Variants in NAALADL2 observed in about 807,000 individuals in gnomAD.
NAALADL2 encodes the protein inactive N-acetylated-alpha-linked acidic dipeptidase-like protein 2.
NAALADL2 carries 76 observed loss-of-function variants against 87.2 expected under a neutral mutation model. The ratio of observed to expected loss-of-function variants is 0.87; its 90% CI spans 0.72 to 1.05. NAALADL2 has a LOEUF of 1.05. Among genes scored for constraint, NAALADL2 ranks in the 50% least tolerant of loss-of-function variants. NAALADL2 has a pLI of 0.00. For synonymous variants in NAALADL2, 354 were observed against 331.0 expected (o/e 1.07, Z -0.75); for missense variants, 1,089 against 945.8 (o/e 1.15, Z -1.99).
chr3:175,347,167 C>A (rs1581519646), intron 5 of NAALADL2, among the ~76,000 whole-genome samples: 1 of 152,284 alleles, frequency 6.6e-6, no homozygotes, highest in Middle Eastern at 3.4e-3. Flanking sequence ...TTAAGCTACC[C>A]TCAGCATTAA....
At chr3:175,708,463 T>C (rs186644779) in intron 11 of NAALADL2, among the ~76,000 whole-genome samples, 9 of 152,138 alleles carry the variant, frequency 5.9e-5, no homozygotes, top group African/African-American at 2.2e-4. Flanking sequence ...AAATATTAAG[T>C]TATTTGATTC....
intron 2 of NAALADL2, among the ~76,000 whole-genome samples, chr3:174,595,909 G>T (rs750698637): frequency 1.7e-4 from 26 of 152,146 alleles, no homozygotes; most frequent in Non-Finnish European, 3.1e-4. Context: ...CTACTTGGGA[G>T]GCTGAGGCAG....
At chr3:174,538,091 G>A (rs1220680125) in intron 1 of NAALADL2, among the ~76,000 whole-genome samples, 1 of 152,102 alleles carries the variant, frequency 6.6e-6, no homozygotes, top group Non-Finnish European at 1.5e-5. Context: ...CCCCAGCAGA[G>A]GCTCCCTCAG....
At chr3:174,662,954 TCAAA>T (rs1725641756) in intron 2 of NAALADL2, among the ~76,000 whole-genome samples, 1 of 152,324 alleles carries the variant, frequency 6.6e-6, no homozygotes, top group Non-Finnish European at 1.5e-5. Context: ...CACTCATCTA[TCAAA>T]CAAAGCAGGG....
intron 10 of NAALADL2, among the ~76,000 whole-genome samples, chr3:175,612,666 A>G (rs545355764): frequency 6.6e-6 from 1 of 152,198 alleles, no homozygotes; most frequent in Non-Finnish European, 1.5e-5. Flanking sequence ...TCAAGAGGCT[A>G]ACAGGCTCTG....
chr3:175,357,129 A>G (rs535663366), intron 5 of NAALADL2, among the ~76,000 whole-genome samples: 1 of 152,030 alleles, frequency 6.6e-6, no homozygotes, highest in Non-Finnish European at 1.5e-5. Flanking sequence ...TCCTCTCCTC[A>G]CTATTTTTTA....
At chr3:175,734,384 C>T (rs1012082438) in intron 11 of NAALADL2, among the ~76,000 whole-genome samples, 2 of 152,044 alleles carry the variant, frequency 1.3e-5, no homozygotes, top group East Asian at 3.9e-4. Context: ...GAAACCCCAT[C>T]TCTACTAAAA....
In NAALADL2 at chr3:174,796,921, G is replaced by A. The variant is rs1325987691; in HGVS notation, c.-9+59175G>A. Among the ~76,000 whole-genome samples, 4 of 151,872 alleles carry A rather than the reference G, an allele frequency of 2.6e-5. No individual in the cohort carries two copies. The East Asian group carries it at 7.7e-4, about 29-fold the overall frequency. On this transcript the variant is annotated intron_variant, in intron 3 of 3. Coordinates refer to the NAALADL2 transcript ENST00000434257. ...ATTTTGCAGGTTGTCTTTTCACTCT[G>A]TTGATTATTTGTTTTGCTGTGCAGA... is the stretch of plus-strand genomic sequence containing the variant.
chr3:175,102,097 T>C (rs34329450), intron 2 of NAALADL2, among the ~76,000 whole-genome samples: 120 of 152,308 alleles, frequency 7.9e-4, no homozygotes, highest in African/African-American at 2.7e-3. Flanking sequence ...CCAATAAATA[T>C]AGATTTAAAT....
chr3:174,538,015 G>T (rs1721885897), intron 1 of NAALADL2, among the ~76,000 whole-genome samples: 1 of 152,078 alleles, frequency 6.6e-6, no homozygotes, highest in African/African-American at 2.4e-5. Context: ...TTTACACAGA[G>T]GCTCTTAGTA....
chr3:174,733,526 GCCCCA>G (rs1266900615), intron 2 of NAALADL2, among the ~76,000 whole-genome samples: 1 of 152,200 alleles, frequency 6.6e-6, no homozygotes, highest in Non-Finnish European at 1.5e-5. Flanking sequence ...TAGGAAAAGA[GCCCCA>G]TGTGGCTTAG....
At chr3:175,542,579 C>T (rs528015771) in intron 9 of NAALADL2, among the ~76,000 whole-genome samples, 1 of 152,226 alleles carries the variant, frequency 6.6e-6, no homozygotes, top group South Asian at 2.1e-4. Flanking sequence ...AGGCTGGTCT[C>T]AAACTCCTGA....
chr3:175,329,612 A>G (rs921757783), intron 5 of NAALADL2, among the ~76,000 whole-genome samples: 1 of 152,166 alleles, frequency 6.6e-6, no homozygotes, highest in Non-Finnish European at 1.5e-5. Flanking sequence ...CACAGTATGA[A>G]TATCTGTCAC....
chr3:174,763,324 C>T (rs1471551484), intron 3 of NAALADL2, among the ~76,000 whole-genome samples: 1 of 151,956 alleles, frequency 6.6e-6, no homozygotes, highest in Non-Finnish European at 1.5e-5. Context: ...CGCAGTGGCT[C>T]ATGCCTGTAA....
chr3:175,645,931 A>G (rs796246965), intron 11 of NAALADL2, among the ~76,000 whole-genome samples: 9 of 152,244 alleles, frequency 5.9e-5, no homozygotes, highest in African/African-American at 2.2e-4. Flanking sequence ...CAGTAGAGCT[A>G]CTCATCTAAG....
intron 5 of NAALADL2, among the ~76,000 whole-genome samples, chr3:175,401,949 A>G (rs896870562): frequency 1.2e-4 from 19 of 152,052 alleles, no homozygotes; most frequent in African/African-American, 3.6e-4. Flanking sequence ...AGGAGATGTT[A>G]AAGCCTAGTT....
In NAALADL2 at chr3:175,737,311, A is replaced by G. The variant is rs763875157; in HGVS notation, c.1902A>G (p.Ser634=). ...FNLHETITKL[S]GEVILQIANE... ...TTTTTCCTTTTTTCTTTCAGCTCTC[A>G]GGAGAAGTGATTTTGCAAATTGCCA... Residue 634 remains serine (S), a synonymous_variant, in exon 12 of 14, where the codon TCA becomes TCG. Coordinates refer to ENST00000454872, the MANE Select transcript of NAALADL2 (RefSeq NM_207015.3). The G allele has an allele frequency of 7.5e-6, 12 of 1,596,242 alleles. No individual in the cohort carries two copies. The highest frequency in any genetic ancestry group is 6.7e-5 in the Admixed American group (4 of 59,928).
At chr3:175,018,808 C>T (rs1751189590) in intron 1 of NAALADL2, among the ~76,000 whole-genome samples, 1 of 152,008 alleles carries the variant, frequency 6.6e-6, no homozygotes, top group East Asian at 1.9e-4. Flanking sequence ...TGCCTCCATA[C>T]CAAATAACGT....
At position 175,337,518 on chromosome 3, in the gene NAALADL2, G is replaced by T. The variant is rs558563193; in HGVS notation, c.1090+13193G>T. On this transcript the variant is annotated intron_variant, in intron 5 of 13. Transcript: ENST00000454872. ...AGAGATTAGGATACAGACAGACTTG[G>T]GGGGGCCATGTGAAGCACGAACAAA... Among the ~76,000 whole-genome samples, 12 of 152,148 alleles carry T rather than the reference G, an allele frequency of 7.9e-5. No homozygotes were observed. The South Asian group carries it at 1.9e-3, about 24-fold the overall frequency.
Sources: gnomAD v4.1 joint callset for allele counts (sites outside exome capture counted in the v4.1 genomes callset) on GRCh38, gnomAD v4.1.1 for gene constraint, MANE v1.5 for transcripts, NCBI Gene and HGNC (gene_info 2026-07-23, HGNC 2026-07-21) for gene names.